The following PHACTR1 variants were observed in gnomAD, a reference collection of about 807,000 sequenced individuals.
The protein encoded by PHACTR1 is RPEL repeat containing 1.
Under a neutral mutation model 69.2 loss-of-function variants are expected in PHACTR1, and 16 were observed. The observed-to-expected ratio is 0.23, with a 90% CI of 0.16 to 0.35. The LOEUF (loss-of-function observed/expected upper bound fraction) is 0.35, where lower values mean the gene tolerates loss of function less well. PHACTR1 is among the 10% of genes least tolerant of loss of function. The pLI is 1.00. For synonymous variants in PHACTR1, 312 were observed against 284.5 expected (o/e 1.10, Z -0.97); for missense variants, 510 against 734.7 (o/e 0.69, Z 3.54).
intron 4 of PHACTR1, among the ~76,000 whole-genome samples, chr6:12,956,168 C>A (rs1358776447): frequency 1.3e-5 from 2 of 152,204 alleles, no homozygotes; most frequent in African/African-American, 4.8e-5. Context: ...TTCTCATCAA[C>A]ATAAATAGTT....
intron 4 of PHACTR1, among the ~76,000 whole-genome samples, chr6:13,018,768 GTTCAGATTGCATCCACTTCCAAAGGAA>G (rs1461606351): frequency 2.1e-4 from 32 of 152,306 alleles, no homozygotes; most frequent in African/African-American, 7.5e-4. Context: ...TTCAGAAGCA[GTTCAGATTGCATCCACTTCCAAAGGAA>G]TTCAGATTGC....
intron 4 of PHACTR1, among the ~76,000 whole-genome samples, chr6:12,765,395 C>T (rs1768485464): frequency 6.6e-6 from 1 of 152,208 alleles, no homozygotes; most frequent in South Asian, 2.1e-4. Context: ...CCTGTAAATC[C>T]TCAGTGGCTA....
At chr6:13,019,480 A>C (rs573107765) in intron 4 of PHACTR1, among the ~76,000 whole-genome samples, 1 of 152,356 alleles carries the variant, frequency 6.6e-6, no homozygotes, top group South Asian at 2.1e-4. Context: ...AAGATTCTGC[A>C]ATATCTGTTT....
rs560980482 is a variant in PHACTR1, at chr6:13,089,812, C to T, written c.415+36283C>T. 1.8e-4 allele frequency among the ~76,000 whole-genome samples: 27 copies of T among 152,250 alleles called. No individual in the cohort carries two copies. The East Asian group carries it at 4.4e-3, about 25-fold the overall frequency. ...GTTGCTAGTGAATAAAACTGACAAACGGTAACCACAGTGGAACAAACTGGT... is the reference window on the plus strand; with the variant it reads ...GTTGCTAGTGAATAAAACTGACAAATGGTAACCACAGTGGAACAAACTGGT... On this transcript the variant is annotated intron_variant, in intron 5 of 14. Transcript: ENST00000332995.
chr6:12,931,959 A>G (rs1788922175), intron 4 of PHACTR1, among the ~76,000 whole-genome samples: 1 of 151,804 alleles, frequency 6.6e-6, no homozygotes, highest in Non-Finnish European at 1.5e-5. Context: ...TTCCAAGAGT[A>G]TGGTCCCAGA....
intron 10 of PHACTR1, among the ~76,000 whole-genome samples, chr6:13,260,877 G>C (rs966452608): frequency 6.6e-6 from 1 of 152,184 alleles, no homozygotes; most frequent in African/African-American, 2.4e-5. Context: ...TTGAATCATC[G>C]ATGACCTTAT....
chr6:12,767,310 G>C (rs1373110356), intron 4 of PHACTR1, among the ~76,000 whole-genome samples: 1 of 152,156 alleles, frequency 6.6e-6, no homozygotes, highest in Non-Finnish European at 1.5e-5. Flanking sequence ...CCCCAGCCTT[G>C]CTCTCCTCAG....
In PHACTR1 at chr6:13,279,014, C is replaced by A. The variant is rs577172196; in HGVS notation, c.1509+685C>A. 8.4e-5 allele frequency among the ~76,000 whole-genome samples: 12 copies of A among 142,402 alleles called. No homozygotes were observed. The South Asian group carries it at 2.7e-3, about 32-fold the overall frequency. 93.4% of individuals were successfully genotyped at this position (142,402 alleles called of 152,430 possible). ...AATATTACACAATTATTTGCTATGA[C>A]CCTGGGAAAGTATAGACTTTTTTTT... On this transcript the variant is annotated intron_variant, in intron 12 of 14. Coordinates refer to ENST00000332995, the MANE Select transcript of PHACTR1 (RefSeq NM_030948.6).
chr6:13,042,874 G>T (rs773625381), intron 4 of PHACTR1, among the ~76,000 whole-genome samples: 1 of 152,170 alleles, frequency 6.6e-6, no homozygotes, highest in Non-Finnish European at 1.5e-5. Flanking sequence ...AGAGGAAGCC[G>T]ATGGGACTTT....
chr6:12,872,858 T>C (rs1378056390), intron 4 of PHACTR1, among the ~76,000 whole-genome samples: 2 of 152,202 alleles, frequency 1.3e-5, no homozygotes, highest in African/African-American at 4.8e-5. Flanking sequence ...GGTCCATTTT[T>C]CTCTTTATTT....
intron 4 of PHACTR1, 61 bp from the exon 5 acceptor site, chr6:13,053,304 G>A: frequency 1.4e-6 from 2 of 1,471,636 alleles, no homozygotes; most frequent in South Asian, 1.3e-5. Context: ...CCATCTGTGA[G>A]GCTCCCATTT....
chr6:12,720,817 A>G (rs1268907150), intron 3 of PHACTR1, among the ~76,000 whole-genome samples: 7 of 152,208 alleles, frequency 4.6e-5, no homozygotes, highest in Non-Finnish European at 1.0e-4. Flanking sequence ...CAGTCTAGGG[A>G]CAGTATTTAC....
intron 8 of PHACTR1, among the ~76,000 whole-genome samples, chr6:13,210,468 G>C (rs1445445695): frequency 6.6e-6 from 1 of 152,140 alleles, no homozygotes; most frequent in Non-Finnish European, 1.5e-5. Context: ...CAAAATCACA[G>C]GGTTGCCCTA....
chr6:13,010,466 C>A (rs1195927172), intron 4 of PHACTR1, among the ~76,000 whole-genome samples: 1 of 152,176 alleles, frequency 6.6e-6, no homozygotes. Flanking sequence ...ATCAAGAGTC[C>A]TATCCATGAC....
Position 13,179,745 on chromosome 6 carries a change from TAGAC to T in PHACTR1, c.497-2770_497-2767del, listed in dbSNP as rs1295206738. On this transcript the variant is annotated intron_variant, in intron 6 of 14. Transcript: ENST00000332995. This position sits in a 1 kb window ranked among gnomAD's most constrained non-coding sequence, Gnocchi z 4.2. The stretch of plus-strand genomic sequence containing the variant: ...ATAGATAGATAGATAGATAGATAGA[TAGAC>T]AGAACAAGGTTATCAATATTAATGT... 0.019 allele frequency among the ~76,000 whole-genome samples: 2,322 copies of T among 119,428 alleles called. 52 individuals are homozygous for T. Among genetic ancestry groups the T allele is most frequent in the African/African-American group, 0.068 (2,006 of 29,392 alleles). The allele number at this position is 119,428 out of a possible 152,430, so 78.3% of individuals were successfully genotyped here.
intron 4 of PHACTR1, among the ~76,000 whole-genome samples, chr6:12,931,003 CAAAAAAA>C (rs34965562): frequency 2.3e-5 from 2 of 86,190 alleles, no homozygotes; most frequent in South Asian, 4.8e-4. Context: ...AACTCTGTCT[CAAAAAAA>C]AAAAAAAAAA....
intron 4 of PHACTR1, among the ~76,000 whole-genome samples, chr6:13,002,778 A>G (rs1205725462): frequency 6.6e-6 from 1 of 152,224 alleles, no homozygotes; most frequent in Admixed American, 6.5e-5. Flanking sequence ...ATATGCAAAT[A>G]TGATAATATG....
intron 4 of PHACTR1, chr6:12,933,980 CACAAACT>C: frequency 6.5e-7 from 1 of 1,542,008 alleles, no homozygotes; most frequent in South Asian, 1.3e-5. Flanking sequence ...AACAAAGTAC[CACAAACT>C]ACATGACATA....
intron 5 of PHACTR1, among the ~76,000 whole-genome samples, chr6:13,152,676 T>C (rs11755663): frequency 0.15 from 22,128 of 152,212 alleles, 1,785 homozygotes; most frequent in Middle Eastern, 0.21. Flanking sequence ...CTTTACAAAC[T>C]AGTGCAAAGA....
Sources: allele counts gnomAD v4.1 joint callset (sites outside exome capture counted in the v4.1 genomes callset), GRCh38; gene constraint gnomAD v4.1.1; non-coding constraint Gnocchi (gnomAD v3.1); transcripts MANE v1.5; gene names NCBI Gene and HGNC (gene_info 2026-07-23, HGNC 2026-07-21).